Variants in TAFA2 observed in about 807,000 individuals in gnomAD.
The protein encoded by TAFA2 is chemokine-like protein TAFA-2.
Under a neutral mutation model 18.8 loss-of-function variants are expected in TAFA2, and 7 were observed. The ratio of observed to expected loss-of-function variants is 0.37; its 90% CI spans 0.21 to 0.70. The LOEUF is 0.70. TAFA2 is among the 30% of genes least tolerant of loss of function. TAFA2 has a pLI of 0.53. For synonymous variants in TAFA2, 60 were observed against 54.2 expected, an observed-to-expected ratio of 1.11 and a Z score of -0.47; for missense variants, 122 against 158.1, an observed-to-expected ratio of 0.77 and a Z score of 1.23.
chr12:62,066,126 CGTGTGTGTGT>C (rs3221978), intron 1 of TAFA2, among the ~76,000 whole-genome samples: 4 of 145,470 alleles, frequency 2.7e-5, no homozygotes, highest in African/African-American at 5.1e-5. Flanking sequence ...CTGAAACAGC[CGTGTGTGTGT>C]GTGTGTGTGT....
chr12:62,172,508 T>G (rs1236584668), intron 1 of TAFA2, among the ~76,000 whole-genome samples: 4 of 152,230 alleles, frequency 2.6e-5, no homozygotes, highest in African/African-American at 7.2e-5. Context: ...TCTAAGAGCA[T>G]GTAACTCCAA....
chr12:62,208,862 C>A (rs918796587), intron 1 of TAFA2, among the ~76,000 whole-genome samples: 1 of 152,224 alleles, frequency 6.6e-6, no homozygotes, highest in East Asian at 1.9e-4. Context: ...CTCCTTCAGT[C>A]TCCACCTGAG....
intron 1 of TAFA2, among the ~76,000 whole-genome samples, chr12:62,176,938 T>A (rs1471457668): frequency 6.6e-6 from 1 of 152,220 alleles, no homozygotes; most frequent in Non-Finnish European, 1.5e-5. Flanking sequence ...GACTCATGTT[T>A]GCTTCCTACA....
chr12:62,060,265 T>A (rs1305699558), intron 1 of TAFA2, among the ~76,000 whole-genome samples: 1 of 152,176 alleles, frequency 6.6e-6, no homozygotes, highest in African/African-American at 2.4e-5. Flanking sequence ...AATACAATCA[T>A]GCATCACATA....
chr12:62,190,248 A>G (rs887887918), intron 1 of TAFA2, among the ~76,000 whole-genome samples: 25 of 152,154 alleles, frequency 1.6e-4, no homozygotes, highest in Non-Finnish European at 1.5e-4. Context: ...ACGAGCGTCT[A>G]TGGTTCTTCC....
chr12:62,072,445 G>A (rs757591926), intron 1 of TAFA2, among the ~76,000 whole-genome samples: 2 of 150,374 alleles, frequency 1.3e-5, no homozygotes, highest in Non-Finnish European at 3.0e-5. Flanking sequence ...CTCCAACCTG[G>A]GTGACAGAGC....
At chr12:61,795,695 T>C (rs542048979) in intron 2 of TAFA2, among the ~76,000 whole-genome samples, 51 of 150,362 alleles carry the variant, frequency 3.4e-4, no homozygotes, top group Non-Finnish European at 6.5e-4. Flanking sequence ...CTGCATGTTG[T>C]GAACATGTAC....
At chr12:62,031,238 T>C (rs1441413832) in intron 1 of TAFA2, among the ~76,000 whole-genome samples, 1 of 152,038 alleles carries the variant, frequency 6.6e-6, no homozygotes, top group African/African-American at 2.4e-5. Flanking sequence ...TTAATCTGGG[T>C]GGTCACCATC....
chr12:62,209,546 A>G (rs942965103), intron 1 of TAFA2, among the ~76,000 whole-genome samples: 3 of 152,264 alleles, frequency 2.0e-5, no homozygotes, highest in African/African-American at 4.8e-5. Context: ...AGTACAAACC[A>G]TGGTGAAAGT....
intron 1 of TAFA2, among the ~76,000 whole-genome samples, chr12:62,246,938 A>G (rs201114310): frequency 1.3e-5 from 2 of 149,218 alleles, no homozygotes; most frequent in Non-Finnish European, 3.0e-5. Context: ...TGTTTTTTTT[A>G]ATTAGGTATA....
intron 1 of TAFA2, among the ~76,000 whole-genome samples, chr12:61,910,686 A>G (rs1876571728): frequency 6.6e-6 from 1 of 152,216 alleles, no homozygotes; most frequent in Non-Finnish European, 1.5e-5. Flanking sequence ...ACTAAGGAGG[A>G]GCTAGCCCCA....
chr12:62,022,906 C>T (rs1255752575), intron 1 of TAFA2, among the ~76,000 whole-genome samples: 1 of 152,168 alleles, frequency 6.6e-6, no homozygotes, highest in Admixed American at 6.5e-5. Context: ...AGGGGAGCAA[C>T]CATACCAGCA....
At chr12:61,846,634 T>C (rs1873416322) in intron 2 of TAFA2, among the ~76,000 whole-genome samples, 2 of 152,138 alleles carry the variant, frequency 1.3e-5, no homozygotes, top group African/African-American at 4.8e-5. Flanking sequence ...AACTTGATTA[T>C]AACTATTGTC....
chr12:62,241,493 G>C (rs964814078), intron 1 of TAFA2, among the ~76,000 whole-genome samples: 1 of 152,130 alleles, frequency 6.6e-6, no homozygotes, highest in East Asian at 1.9e-4. Flanking sequence ...GCATTTATTC[G>C]TTGCACTATA....
chr12:62,182,916 A>C (rs1465966658), intron 1 of TAFA2, among the ~76,000 whole-genome samples: 1 of 152,242 alleles, frequency 6.6e-6, no homozygotes, highest in African/African-American at 2.4e-5. Context: ...ACATTGTTGA[A>C]CCATTCCTTC....
At chr12:62,189,899 T>C (rs1478221559) in intron 1 of TAFA2, among the ~76,000 whole-genome samples, 1 of 151,314 alleles carries the variant, frequency 6.6e-6, no homozygotes, top group Non-Finnish European at 1.5e-5. Flanking sequence ...TACCAAGTAC[T>C]TTGGGGACAC....
chr12:61,847,962 C>A (rs1349475542), intron 2 of TAFA2, among the ~76,000 whole-genome samples: 1 of 152,166 alleles, frequency 6.6e-6, no homozygotes, highest in East Asian at 1.9e-4. Flanking sequence ...TCAGTTTTAT[C>A]TACAGTTGAT....
chr12:61,749,390 G>A (rs966244446), intron 4 of TAFA2, among the ~76,000 whole-genome samples: 1 of 152,090 alleles, frequency 6.6e-6, no homozygotes, highest in Non-Finnish European at 1.5e-5. Flanking sequence ...TATCTACTAT[G>A]GTTGGGTAAA....
intron 1 of TAFA2, among the ~76,000 whole-genome samples, chr12:61,917,557 C>A (rs1246592104): frequency 6.6e-6 from 1 of 152,108 alleles, no homozygotes; most frequent in African/African-American, 2.4e-5. Context: ...CCGTGCCCAC[C>A]CAATAATTAG....
Sources: allele counts gnomAD v4.1 joint callset (sites outside exome capture counted in the v4.1 genomes callset), GRCh38; gene constraint gnomAD v4.1.1; transcripts MANE v1.5; gene names NCBI Gene and HGNC (gene_info 2026-07-23, HGNC 2026-07-21).